LGR6: variants seen among roughly 807,000 people sequenced by gnomAD.
The protein encoded by LGR6 is leucine rich repeat containing G protein-coupled receptor 6, also known as leucine-rich repeat-containing G protein-coupled receptor 6.
Under a neutral mutation model 69.4 loss-of-function variants are expected in LGR6, and 45 were observed. The ratio of observed to expected loss-of-function variants is 0.65; its 90% confidence interval spans 0.51 to 0.83. LGR6 has a LOEUF of 0.83. Among genes scored for constraint, LGR6 ranks in the 40% least tolerant of loss-of-function variants. LGR6 has a pLI of 0.00. For synonymous variants in LGR6, 538 were observed against 555.0 expected (o/e 0.97, Z 0.43); for missense variants, 1,108 against 1,246.7 (o/e 0.89, Z 1.68).
intron 1 of LGR6, chr1:202,203,981 C>T (rs1440205749): frequency 2.5e-6 from 2 of 789,498 alleles, no homozygotes; most frequent in Non-Finnish European, 4.5e-6. Context: ...TTCACTATGT[C>T]TTTGTAGGGT....
chr1:202,225,973 C>T (rs1660516955), intron 2 of LGR6, among the ~76,000 whole-genome samples: 1 of 152,184 alleles, frequency 6.6e-6, no homozygotes, highest in African/African-American at 2.4e-5. Flanking sequence ...TGCACACCTT[C>T]AGGATGCATC....
rs142507383 is a variant in LGR6, at chr1:202,207,077, C to T, written c.212+12876C>T. On this transcript the variant is annotated intron_variant, in intron 1 of 17. Transcript: ENST00000367278. The stretch of plus-strand genomic sequence containing the variant: ...GGATTATAGGCTCCTGCCACCATGC[C>T]CAGCTAATTTTTGTATTTTTAGTAG... Among the ~76,000 whole-genome samples, 340 of 152,148 alleles carry T rather than the reference C, an allele frequency of 2.2e-3. 2 individuals carry two copies. Among genetic ancestry groups the T allele is most frequent in the African/African-American group, 8.0e-3 (330 of 41,494 alleles).
chr1:202,280,066 C>T (rs1665885372), intron 5 of LGR6, among the ~76,000 whole-genome samples: 1 of 152,240 alleles, frequency 6.6e-6, no homozygotes. Flanking sequence ...CCTCTTTCTT[C>T]TGGCTTTCTG....
chr1:202,280,998 C>A, intron 6 of LGR6, 146 bp downstream of exon 6: 1 of 634,542 alleles, frequency 1.6e-6, no homozygotes, highest in Non-Finnish European at 2.7e-6. Context: ...CATGCCCCTC[C>A]CTGGCACTTT....
In LGR6 at chr1:202,305,373, C is replaced by G. The variant is rs143566958; in HGVS notation, c.1071-311C>G. 3.4e-3 allele frequency among the ~76,000 whole-genome samples: 517 copies of G among 152,306 alleles called. 3 individuals carry two copies. The highest frequency in any genetic ancestry group is 5.7e-3 in the Non-Finnish European group (385 of 68,014). ...TGCTCAGTGAGGTCCAATGTGTTCT[C>G]TGCTGGCTGGCTCAGTGCCCCTCTC... is the stretch of plus-strand genomic sequence containing the variant. On this transcript the variant is annotated intron_variant, in intron 11 of 17. Coordinates refer to ENST00000367278, the MANE Select transcript of LGR6 (RefSeq NM_001017403.2).
At chr1:202,245,390 G>A (rs567054563) in intron 4 of LGR6, among the ~76,000 whole-genome samples, 3 of 152,242 alleles carry the variant, frequency 2.0e-5, no homozygotes, top group South Asian at 2.1e-4. Context: ...GAGAGTGTTC[G>A]TGGTGGGCTG....
intron 16 of LGR6, among the ~76,000 whole-genome samples, chr1:202,312,295 C>G (rs1257017610): frequency 2.0e-5 from 3 of 152,242 alleles, no homozygotes; most frequent in African/African-American, 7.2e-5. Context: ...AGACAGAGTC[C>G]ACGGGTTTCA....
At chr1:202,304,701 C>T (rs1667856050) in intron 11 of LGR6, 71 bp downstream of exon 11, 1 of 1,207,194 alleles carries the variant, frequency 8.3e-7, no homozygotes, top group Non-Finnish European at 1.2e-6. Flanking sequence ...AAGGCCTCTC[C>T]TGCTTCTGTC....
At chr1:202,204,459 AC>A (rs749421644) in intron 1 of LGR6, among the ~76,000 whole-genome samples, 1 of 50,370 alleles carries the variant, frequency 2.0e-5, no homozygotes, top group African/African-American at 7.7e-5. Context: ...ACACACACAC[AC>A]CTCCACACAC....
intron 5 of LGR6, among the ~76,000 whole-genome samples, chr1:202,276,916 G>A (rs1343875189): frequency 6.6e-6 from 1 of 152,160 alleles, no homozygotes; most frequent in East Asian, 1.9e-4. Flanking sequence ...TTGGCACAGG[G>A]ATGGGATAAA....
At chr1:202,203,723 G>A in intron 1 of LGR6, 1 of 1,315,768 alleles carries the variant, frequency 7.6e-7, no homozygotes, top group South Asian at 1.2e-5. Flanking sequence ...TAGCAGGCGG[G>A]GCACAGAGGA....
At chr1:202,236,583 G>C (rs1384895523) in intron 4 of LGR6, among the ~76,000 whole-genome samples, 1 of 152,206 alleles carries the variant, frequency 6.6e-6, no homozygotes, top group Non-Finnish European at 1.5e-5. Flanking sequence ...GCGGGAGCAG[G>C]TGCTCCAGGG....
intron 1 of LGR6, among the ~76,000 whole-genome samples, chr1:202,208,731 C>T (rs1659352497): frequency 1.3e-5 from 2 of 152,150 alleles, no homozygotes; most frequent in African/African-American, 4.8e-5. Context: ...CCTGCCCTGC[C>T]TCCACCTGCC....
intron 4 of LGR6, among the ~76,000 whole-genome samples, chr1:202,273,615 G>A (rs1479980803): frequency 1.3e-5 from 2 of 151,886 alleles, no homozygotes; most frequent in African/African-American, 4.8e-5. Context: ...GTGCAACCAT[G>A]CCCGGCTAAT....
At position 202,318,989 on chromosome 1, in the gene LGR6, T is replaced by TGAG. The variant is rs1320336887; in HGVS notation, c.2686_2687insGAG (p.Phe896delinsTer). 3.1e-6 allele frequency: 5 copies of TGAG among 1,613,684 alleles called. No individual in the cohort carries two copies. The highest frequency in any genetic ancestry group is 3.3e-5 in the Admixed American group (2 of 59,970). On this transcript the variant is annotated stop_gained, in exon 18 of 18. Transcript: ENST00000367278. LOFTEE classifies it low-confidence loss of function (END_TRUNC). ...GCCCCCTGGGCTGGAGACCTATGGC[T>TGAG]TCCCCTCAGTGACCCTCATCTCCTG...
At chr1:202,194,741 C>A (rs1414984678) in intron 1 of LGR6, 1 of 380,362 alleles carries the variant, frequency 2.6e-6, no homozygotes, top group Non-Finnish European at 5.1e-6. Flanking sequence ...GGGAGGGGGG[C>A]CTTATCCACT....
At chr1:202,216,344 A>C (rs1259038069) in intron 1 of LGR6, among the ~76,000 whole-genome samples, 1 of 152,232 alleles carries the variant, frequency 6.6e-6, no homozygotes. Flanking sequence ...CCAAAATCGC[A>C]GAAGCCAGTA....
chr1:202,234,959 C>T (rs1661405689), intron 3 of LGR6, among the ~76,000 whole-genome samples: 1 of 151,456 alleles, frequency 6.6e-6, no homozygotes, highest in Non-Finnish European at 1.5e-5. Flanking sequence ...CTTCCATGAA[C>T]TCCCTGTGTG....
Position 202,234,716 on chromosome 1 carries a change from A to G in LGR6, c.357-1206A>G, listed in dbSNP as rs141909415. Among the ~76,000 whole-genome samples, 6 of 152,280 alleles carry G rather than the reference A, an allele frequency of 3.9e-5. No homozygotes were observed. The East Asian group carries it at 1.2e-3, about 29-fold the overall frequency. ...AACAAGGGTGAGTTTGAATTAATACAAGTTCTAAGACCAGGACCTGGCACA... is the reference window on the plus strand; with the variant it reads ...AACAAGGGTGAGTTTGAATTAATACGAGTTCTAAGACCAGGACCTGGCACA... On this transcript the variant is annotated intron_variant, in intron 3 of 17. Coordinates refer to ENST00000367278, the MANE Select transcript of LGR6 (RefSeq NM_001017403.2).
Sources: gnomAD v4.1 joint callset for allele counts (sites outside exome capture counted in the v4.1 genomes callset) on GRCh38, gnomAD v4.1.1 for gene constraint, MANE v1.5 for transcripts, NCBI Gene and HGNC (gene_info 2026-07-23, HGNC 2026-07-21) for gene names.